Variants in WWOX observed in about 807,000 individuals in gnomAD.
WWOX encodes the protein WW domain-containing oxidoreductase.
In WWOX, 69 loss-of-function variants were observed where a neutral mutation model predicts 46.2. The observed-to-expected ratio is 1.49, with a 90% CI of 1.23 to 1.82. The LOEUF is 1.82. WWOX is among the 40% of genes most tolerant of loss of function. The pLI is 0.00. For synonymous variants in WWOX, 359 were observed against 202.6 expected (o/e 1.77, Z -6.56); for missense variants, 919 against 542.6 (o/e 1.69, Z -6.89).
rs924353647 is a variant in WWOX at position 79,212,272 on chromosome 16, T to C, written c.*476T>C. 2 of 1,220,726 alleles carry C rather than the reference T, an allele frequency of 1.6e-6. No individual in the cohort carries two copies. The highest frequency in any genetic ancestry group is 2.2e-6 in the Non-Finnish European group (2 of 906,868). 75.6% of individuals were successfully genotyped at this position (1,220,726 alleles called of 1,614,324 possible). Reference sequence around the variant, plus strand: ...CAGGAGATAATTGTTTCATTCATCCTGACCAAGACTGAGCCAGCTTAGCAA... The same window carrying C: ...CAGGAGATAATTGTTTCATTCATCCCGACCAAGACTGAGCCAGCTTAGCAA... On this transcript the variant is annotated 3_prime_UTR_variant, in exon 9 of 9. Coordinates refer to ENST00000566780, the MANE Select transcript of WWOX (RefSeq NM_016373.4).
At chr16:78,545,762 C>T (rs2044015245) in intron 8 of WWOX, among the ~76,000 whole-genome samples, 1 of 152,132 alleles carries the variant, frequency 6.6e-6, no homozygotes, top group Non-Finnish European at 1.5e-5. Context: ...GACAAAGTTG[C>T]TGGCAGGGTC....
At chr16:78,511,423 A>AT (rs772026824) in intron 8 of WWOX, among the ~76,000 whole-genome samples, 1 of 152,226 alleles carries the variant, frequency 6.6e-6, no homozygotes, top group Non-Finnish European at 1.5e-5. Flanking sequence ...ACAAGATGAC[A>AT]TTTTGCAATC....
chr16:78,558,296 A>G (rs937235765), intron 8 of WWOX, among the ~76,000 whole-genome samples: 4 of 152,332 alleles, frequency 2.6e-5, no homozygotes, highest in East Asian at 1.9e-4. Context: ...TAGAAGCTGC[A>G]AATTGCTGGC....
At chr16:78,433,130 C>G (rs1023099820) in intron 8 of WWOX, among the ~76,000 whole-genome samples, 1 of 152,148 alleles carries the variant, frequency 6.6e-6, no homozygotes, top group Non-Finnish European at 1.5e-5. Context: ...AGGTAAACAA[C>G]AAACATTGGT....
intron 8 of WWOX, among the ~76,000 whole-genome samples, chr16:78,580,328 C>T (rs1033007699): frequency 2.6e-5 from 4 of 152,232 alleles, no homozygotes; most frequent in African/African-American, 9.6e-5. Flanking sequence ...CCTTCCTCGG[C>T]CTCCCAAAGT....
intron 8 of WWOX, among the ~76,000 whole-genome samples, chr16:78,567,104 C>G (rs1420075387): frequency 1.3e-5 from 2 of 152,154 alleles, no homozygotes; most frequent in African/African-American, 2.4e-5. Flanking sequence ...GAAGAAGAAA[C>G]TGAGGTTCAG....
In WWOX at chr16:79,178,509, G is replaced by T. The variant is rs187931483; in HGVS notation, c.1057-33099G>T. Among the ~76,000 whole-genome samples, 581 of 152,166 alleles carry T rather than the reference G, an allele frequency of 3.8e-3. 3 individuals carry two copies. The highest frequency in any genetic ancestry group is 5.2e-3 in the Non-Finnish European group (357 of 68,002). On this transcript the variant is annotated intron_variant, in intron 8 of 8. Transcript: ENST00000566780. ...TTTCTAAATTTTTTGTAGAGACAAG[G>T]TCTCACTGTGTTGTCCAGGCTGGTC...
At chr16:78,745,604 G>T (rs892179258) in intron 8 of WWOX, among the ~76,000 whole-genome samples, 2 of 149,700 alleles carry the variant, frequency 1.3e-5, no homozygotes, top group African/African-American at 5.0e-5. Context: ...TTGGCTGGAG[G>T]ATTTTTTATG....
At chr16:78,503,446 T>A (rs2085117760) in intron 8 of WWOX, among the ~76,000 whole-genome samples, 1 of 149,600 alleles carries the variant, frequency 6.7e-6, no homozygotes, top group East Asian at 2.0e-4. Context: ...AATTCCTTAT[T>A]GTAAAAAAAA....
At chr16:78,411,817 G>A (rs2082687617) in intron 6 of WWOX, among the ~76,000 whole-genome samples, 1 of 152,144 alleles carries the variant, frequency 6.6e-6, no homozygotes, top group South Asian at 2.1e-4. Flanking sequence ...GTCTTAGGTT[G>A]GTGATCCTAG....
intron 6 of WWOX, among the ~76,000 whole-genome samples, chr16:78,395,035 A>G (rs1276411632): frequency 1.3e-5 from 2 of 152,236 alleles, no homozygotes; most frequent in African/African-American, 2.4e-5. Flanking sequence ...ATTACCAGAC[A>G]CATCTCACTT....
At chr16:78,175,528 CA>C (rs901747090) in intron 5 of WWOX, among the ~76,000 whole-genome samples, 2 of 152,132 alleles carry the variant, frequency 1.3e-5, no homozygotes, top group Non-Finnish European at 2.9e-5. Context: ...TTGGATCACT[CA>C]CCAGCCACCA....
At chr16:78,333,964 A>G (rs2080821594) in intron 5 of WWOX, among the ~76,000 whole-genome samples, 1 of 152,156 alleles carries the variant, frequency 6.6e-6, no homozygotes, top group South Asian at 2.1e-4. Context: ...CTGATGGTAA[A>G]TATTTCATGT....
intron 8 of WWOX, among the ~76,000 whole-genome samples, chr16:78,594,881 A>C (rs1054565575): frequency 6.6e-6 from 1 of 151,856 alleles, no homozygotes; most frequent in Non-Finnish European, 1.5e-5. Flanking sequence ...TTTAAATAGC[A>C]GCCTATGCAT....
At chr16:78,386,780 A>G (rs949382363) in intron 5 of WWOX, 80 bp from the exon 6 acceptor site, 16 of 1,263,146 alleles carry the variant, frequency 1.3e-5, no homozygotes, top group Non-Finnish European at 1.7e-5. Flanking sequence ...GACATGTTCC[A>G]TAACACATTT....
chr16:78,186,904 A>T (rs1032832297), intron 5 of WWOX, among the ~76,000 whole-genome samples: 1 of 152,238 alleles, frequency 6.6e-6, no homozygotes, highest in African/African-American at 2.4e-5. Context: ...ACAGCATAAC[A>T]ATCAAGTCTG....
chr16:78,229,517 T>TAG (rs1567442740), intron 5 of WWOX, among the ~76,000 whole-genome samples: 1 of 127,398 alleles, frequency 7.8e-6, no homozygotes, highest in African/African-American at 2.6e-5. Flanking sequence ...TATATAGAGA[T>TAG]ATATATATAT....
chr16:78,313,378 T>C (rs1030698261), intron 5 of WWOX, among the ~76,000 whole-genome samples: 3 of 152,182 alleles, frequency 2.0e-5, no homozygotes, highest in Non-Finnish European at 4.4e-5. Flanking sequence ...TCTTTTTTCT[T>C]TTTTTGAGAT....
intron 8 of WWOX, among the ~76,000 whole-genome samples, chr16:79,128,385 AC>A (rs964772640): frequency 1.5e-4 from 22 of 151,262 alleles, no homozygotes; most frequent in Non-Finnish European, 2.5e-4. Context: ...AAAACAAAAA[AC>A]AAAAAAAAAA....
Sources: gnomAD v4.1 joint callset for allele counts (sites outside exome capture counted in the v4.1 genomes callset) on GRCh38, gnomAD v4.1.1 for gene constraint, MANE v1.5 for transcripts, NCBI Gene and HGNC (gene_info 2026-07-23, HGNC 2026-07-21) for gene names.